Variants in CENPP observed in about 807,000 individuals in gnomAD.
The protein encoded by CENPP is centromere protein P.
In CENPP, 24 loss-of-function variants were observed where a neutral mutation model predicts 35.6. The ratio of observed to expected loss-of-function variants is 0.67; its 90% CI spans 0.49 to 0.95. CENPP has a LOEUF of 0.95. Ranked by LOEUF, CENPP falls within the 40% of genes least tolerant of loss-of-function variation. The pLI, the probability that CENPP is intolerant of heterozygous loss-of-function variation, is 0.00. For synonymous variants in CENPP, 120 were observed against 125.5 expected, an observed-to-expected ratio of 0.96 and a Z score of 0.29; for missense variants, 332 against 345.3, an observed-to-expected ratio of 0.96 and a Z score of 0.31.
intron 5 of CENPP, chr9:92,610,883 G>C (rs978759824): frequency 9.6e-5 from 20 of 208,252 alleles, no homozygotes; most frequent in Non-Finnish European, 9.7e-6. Context: ...GGGCTTTTCA[G>C]GTCAGATGCT....
chr9:92,550,282 G>C (rs1370405056), intron 5 of CENPP, among the ~76,000 whole-genome samples: 1 of 152,044 alleles, frequency 6.6e-6, no homozygotes. Context: ...TGTAGTCCTA[G>C]CTACTTGGGA....
rs1204729148 is a variant in CENPP at position 92,618,425 on chromosome 9, T to C, written c.*5276T>C. On this transcript the variant is annotated 3_prime_UTR_variant, in exon 8 of 8. Coordinates refer to ENST00000375587, the MANE Select transcript of CENPP (RefSeq NM_001012267.3). ...CAGGCACTAAGAGATTCCCAGGTGCTAGACGAGGTGAGTAACATGTCTGTC... is the reference window on the plus strand; with the variant it reads ...CAGGCACTAAGAGATTCCCAGGTGCCAGACGAGGTGAGTAACATGTCTGTC... 4.4e-6 allele frequency: 2 copies of C among 456,548 alleles called. No homozygotes were observed. Among genetic ancestry groups the C allele is most frequent in the Non-Finnish European group, 8.8e-6 (2 of 226,960 alleles). The allele number at this position is 456,548 out of a possible 1,614,324, so 28.3% of individuals were successfully genotyped here.
chr9:92,466,602 T>G (rs367736538), intron 5 of CENPP: 359 of 1,558,626 alleles, frequency 2.3e-4, no homozygotes, highest in Non-Finnish European at 3.0e-4. Context: ...TACACAATAT[T>G]AGGAAGTGGA....
At chr9:92,512,395 C>T (rs1161367215) in intron 5 of CENPP, among the ~76,000 whole-genome samples, 1 of 152,244 alleles carries the variant, frequency 6.6e-6, no homozygotes, top group African/African-American at 2.4e-5. Flanking sequence ...GTGCTTAACA[C>T]AGCCAGAATG....
chr9:92,386,071 A>T, intron 5 of CENPP: 1 of 688,874 alleles, frequency 1.5e-6, no homozygotes, highest in Non-Finnish European at 2.5e-6. Flanking sequence ...TGATAGGCAG[A>T]CATTTAGCTA....
At chr9:92,458,893 G>A (rs902511629) in intron 5 of CENPP, among the ~76,000 whole-genome samples, 4 of 152,116 alleles carry the variant, frequency 2.6e-5, no homozygotes, top group Non-Finnish European at 4.4e-5. Flanking sequence ...TACAGTGAAC[G>A]AAACTTGTTT....
intron 5 of CENPP, among the ~76,000 whole-genome samples, chr9:92,458,869 G>T (rs907762946): frequency 6.6e-6 from 1 of 152,154 alleles, no homozygotes; most frequent in African/African-American, 2.4e-5. Flanking sequence ...TTGATGGTTT[G>T]TATCTCAAAG....
At chr9:92,530,244 T>C (rs988260502) in intron 5 of CENPP, among the ~76,000 whole-genome samples, 10 of 152,090 alleles carry the variant, frequency 6.6e-5, no homozygotes, top group African/African-American at 2.4e-4. Context: ...AACCCAAGAA[T>C]ACAGAGTAAC....
In CENPP at chr9:92,533,358, T is replaced by TGCTTTGGG. The variant is rs1554683182; in HGVS notation, c.565-77955_565-77948dup. Among the ~76,000 whole-genome samples the TGCTTTGGG allele has an allele frequency of 7.1e-5, 9 of 126,984 alleles. No individual in the cohort carries two copies. In the East Asian group the frequency reaches 2.0e-3, roughly 29 times the overall value. 83.3% of individuals were successfully genotyped at this position (126,984 alleles called of 152,430 possible). A position where few individuals can be genotyped will look rare whatever the true frequency, so the allele number is the denominator to read the frequency against. On this transcript the variant is annotated intron_variant, in intron 5 of 7. Coordinates refer to ENST00000375587, the MANE Select transcript of CENPP (RefSeq NM_001012267.3). ...ATATATATATATATATATATATATA[T>TGCTTTGGG]GCTTTGGGTCCACTTCACTTTTCCT...
At chr9:92,378,028 T>C (rs1842163004) in intron 4 of CENPP, among the ~76,000 whole-genome samples, 2 of 152,202 alleles carry the variant, frequency 1.3e-5, no homozygotes, top group South Asian at 4.1e-4. Flanking sequence ...ACCCACTGTG[T>C]GTGCAGCTGC....
chr9:92,460,419 C>T, intron 5 of CENPP: 2 of 1,066,500 alleles, frequency 1.9e-6, no homozygotes, highest in South Asian at 1.3e-5. Context: ...ACCAGGGTCC[C>T]TGTGCACATT....
chr9:92,362,881 C>CT (rs1041260385), intron 4 of CENPP, among the ~76,000 whole-genome samples: 11 of 152,026 alleles, frequency 7.2e-5, no homozygotes, highest in African/African-American at 2.4e-4. Flanking sequence ...TCATTCATTT[C>CT]TTTTTTTTCC....
intron 5 of CENPP, among the ~76,000 whole-genome samples, chr9:92,543,400 A>G (rs1588259566): frequency 7.7e-6 from 1 of 129,610 alleles, no homozygotes; most frequent in South Asian, 2.6e-4. Context: ...TGAACCTGGG[A>G]GGTGGAGGTT....
chr9:92,406,069 G>T (rs1428798840), intron 5 of CENPP, among the ~76,000 whole-genome samples: 1 of 152,194 alleles, frequency 6.6e-6, no homozygotes, highest in East Asian at 1.9e-4. Flanking sequence ...CTGACTGGGA[G>T]TCAAGGAGAC....
At chr9:92,586,523 G>C (rs185061030) in intron 5 of CENPP, among the ~76,000 whole-genome samples, 1 of 151,978 alleles carries the variant, frequency 6.6e-6, no homozygotes, top group East Asian at 1.9e-4. Context: ...TACAATATAC[G>C]TGCCCGGTAT....
At chr9:92,568,082 T>A (rs1029134620) in intron 5 of CENPP, among the ~76,000 whole-genome samples, 4 of 116,108 alleles carry the variant, frequency 3.4e-5, no homozygotes, top group African/African-American at 1.2e-4. Context: ...TTCTTTTTTT[T>A]ATTATACTTT....
intron 4 of CENPP, among the ~76,000 whole-genome samples, chr9:92,373,527 T>A (rs1842056225): frequency 6.6e-6 from 1 of 152,124 alleles, no homozygotes; most frequent in Non-Finnish European, 1.5e-5. Flanking sequence ...CTGAGCTTCT[T>A]TAAAAATTAA....
chr9:92,474,521 T>C (rs535881047), intron 5 of CENPP: 11 of 1,463,604 alleles, frequency 7.5e-6, no homozygotes, highest in African/African-American at 1.4e-5. Flanking sequence ...AAAAAACTTA[T>C]ACACTCAGAT....
chr9:92,518,974 T>C (rs1847899172), intron 5 of CENPP, among the ~76,000 whole-genome samples: 1 of 152,194 alleles, frequency 6.6e-6, no homozygotes, highest in Non-Finnish European at 1.5e-5. Context: ...TGGATAAGTG[T>C]ATCAGCTAAG....
Sources: allele counts gnomAD v4.1 joint callset (sites outside exome capture counted in the v4.1 genomes callset), GRCh38; gene constraint gnomAD v4.1.1; transcripts MANE v1.5; gene names NCBI Gene and HGNC (gene_info 2026-07-23, HGNC 2026-07-21).